The following TRHDE variants were observed in gnomAD, a reference collection of about 807,000 sequenced individuals.
The protein encoded by TRHDE is thyrotropin releasing hormone degrading enzyme.
Under a neutral mutation model 125.7 loss-of-function variants are expected in TRHDE, and 72 were observed. That is an observed-to-expected ratio of 0.57 (90% CI 0.47 to 0.70). The LOEUF is 0.70. TRHDE is among the 30% of genes least tolerant of loss of function. The pLI is 0.00. For synonymous variants in TRHDE, 509 were observed against 509.1 expected, an observed-to-expected ratio of 1.00 and a Z score of 0.00; for missense variants, 1,110 against 1,327.1, an observed-to-expected ratio of 0.84 and a Z score of 2.54.
intron 2 of TRHDE, among the ~76,000 whole-genome samples, chr12:72,216,341 T>G (rs1054554935): frequency 2.6e-5 from 4 of 152,190 alleles, no homozygotes; most frequent in African/African-American, 9.7e-5. Flanking sequence ...TTTATTCTTA[T>G]GAAATCCTTT....
intron 2 of TRHDE, chr12:72,140,543 G>A (rs1251474914): frequency 6.6e-6 from 1 of 152,110 alleles, no homozygotes; most frequent in East Asian, 1.9e-4. Context: ...CTGTGTCATG[G>A]GCCATGATTA....
chr12:72,661,676 A>G (rs1874923386), intron 18 of TRHDE, among the ~76,000 whole-genome samples: 1 of 152,104 alleles, frequency 6.6e-6, no homozygotes, highest in Admixed American at 6.6e-5. Context: ...ATGTGTGTAT[A>G]TATATTTCTA....
intron 3 of TRHDE, among the ~76,000 whole-genome samples, chr12:72,388,302 A>G (rs1251345961): frequency 6.6e-6 from 1 of 151,970 alleles, no homozygotes; most frequent in African/African-American, 2.4e-5. Context: ...TCTCCATGGT[A>G]TTTTTTAATT....
chr12:72,505,929 C>G (rs1158519439), intron 6 of TRHDE, among the ~76,000 whole-genome samples: 2 of 152,140 alleles, frequency 1.3e-5, no homozygotes, highest in Non-Finnish European at 2.9e-5. Context: ...GATTAATGCA[C>G]AGAGAGAGCA....
chr12:72,171,841 T>C (rs927343854), intron 2 of TRHDE, among the ~76,000 whole-genome samples: 1 of 152,206 alleles, frequency 6.6e-6, no homozygotes, highest in Non-Finnish European at 1.5e-5. Context: ...TGTCCATGCC[T>C]GAAGACTTGC....
At chr12:72,313,576 T>C (rs984484377) in intron 2 of TRHDE, among the ~76,000 whole-genome samples, 2 of 152,166 alleles carry the variant, frequency 1.3e-5, no homozygotes, top group African/African-American at 2.4e-5. Context: ...TGCACTGTTT[T>C]ATCATGGAAA....
chr12:72,099,773 G>A (rs2139288219), intron 1 of TRHDE, among the ~76,000 whole-genome samples: 1 of 152,236 alleles, frequency 6.6e-6, no homozygotes, highest in East Asian at 1.9e-4. Context: ...GATAAGAATG[G>A]AAATCTAGAG....
chr12:72,302,798 G>A (rs921347592), intron 2 of TRHDE, among the ~76,000 whole-genome samples: 4 of 152,146 alleles, frequency 2.6e-5, no homozygotes, highest in African/African-American at 9.7e-5. Context: ...GCTGAGGAAG[G>A]CTTTACCTTT....
At chr12:72,593,915 T>C (rs926889569) in intron 12 of TRHDE, among the ~76,000 whole-genome samples, 8 of 152,216 alleles carry the variant, frequency 5.3e-5, no homozygotes, top group Non-Finnish European at 7.4e-5. Flanking sequence ...CAGTCTATCA[T>C]TGATGGACAT....
intron 2 of TRHDE, among the ~76,000 whole-genome samples, chr12:72,239,095 G>C (rs1878422221): frequency 6.6e-6 from 1 of 152,190 alleles, no homozygotes. Flanking sequence ...TAACTGGCGA[G>C]AGATGGTATC....
intron 12 of TRHDE, among the ~76,000 whole-genome samples, chr12:72,608,627 G>A (rs773094138): frequency 9.2e-5 from 14 of 152,122 alleles, no homozygotes; most frequent in Non-Finnish European, 1.8e-4. Context: ...ATGGCCAAAG[G>A]CTAAAAGGAG....
intron 2 of TRHDE, among the ~76,000 whole-genome samples, chr12:72,226,368 A>T (rs1878128219): frequency 6.6e-6 from 1 of 152,190 alleles, no homozygotes; most frequent in Non-Finnish European, 1.5e-5. Context: ...TTCTAAAGGG[A>T]TTAGTGGTAT....
chr12:72,087,888 G>A (rs1312817497), intron 1 of TRHDE, among the ~76,000 whole-genome samples: 1 of 152,114 alleles, frequency 6.6e-6, no homozygotes, highest in East Asian at 1.9e-4. Context: ...CGAGGTGTAG[G>A]AGAACAGGAG....
intron 2 of TRHDE, among the ~76,000 whole-genome samples, chr12:72,164,503 C>T (rs1198662782): frequency 6.6e-6 from 1 of 152,112 alleles, no homozygotes; most frequent in African/African-American, 2.4e-5. Context: ...TGGTGGTGAG[C>T]TGAACAGAAC....
chr12:72,476,448 C>T (rs1172181983), intron 5 of TRHDE, among the ~76,000 whole-genome samples: 1 of 152,144 alleles, frequency 6.6e-6, no homozygotes, highest in African/African-American at 2.4e-5. Flanking sequence ...TTCATAATGG[C>T]ATCAGCAAAA....
Position 72,286,559 on chromosome 12 carries a change from G to A in TRHDE, c.915-122G>A. ...TCATGCTATTCATGCACTTAAGTTT[G>A]GTTCAGAAAAAAATATTGCAATTTG... On this transcript the variant is annotated intron_variant, in intron 1 of 18. Coordinates refer to ENST00000261180, the MANE Select transcript of TRHDE (RefSeq NM_013381.3). 4 of 911,674 alleles carry A rather than the reference G, an allele frequency of 4.4e-6. No individual in the cohort carries two copies. The South Asian group carries it at 6.9e-5, about 16-fold the overall frequency. The allele number at this position is 911,674 out of a possible 1,614,324, so 56.5% of individuals were successfully genotyped here.
intron 2 of TRHDE, among the ~76,000 whole-genome samples, chr12:72,246,183 A>T (rs551663142): frequency 2.0e-5 from 3 of 152,058 alleles, no homozygotes; most frequent in Non-Finnish European, 4.4e-5. Flanking sequence ...CTCAAAAAAA[A>T]CTGTGCCATA....
chr12:72,273,003 C>A lies in TRHDE; in HGVS notation c.360C>A (p.Gly120=), dbSNP rs1879307497. The change falls in exon 1 of 19, where the codon GGC becomes GGA. Residue 120 remains glycine (G), a synonymous_variant. Transcript: ENST00000261180. The surrounding 1 kb of genome is among the most constrained non-coding windows in gnomAD (Gnocchi z 5.3). ...FDECGASATP[G]ADGGPSGFPE... is the part of the protein sequence containing the mutation. ...AGTGCGGGGCGAGTGCCACGCCAGG[C>A]GCCGACGGTGGCCCCTCAGGCTTTC... The A allele has an allele frequency of 1.9e-6, 3 of 1,545,286 alleles. No homozygotes were observed. Among genetic ancestry groups the A allele is most frequent in the African/African-American group, 2.7e-5 (2 of 73,618 alleles).
At chr12:72,626,303 A>C (rs1240151078) in intron 15 of TRHDE, among the ~76,000 whole-genome samples, 3 of 151,918 alleles carry the variant, frequency 2.0e-5, no homozygotes, top group African/African-American at 7.2e-5. Flanking sequence ...AGAGTTATGT[A>C]AAAGAATGCC....
Sources: allele counts gnomAD v4.1 joint callset (sites outside exome capture counted in the v4.1 genomes callset), GRCh38; gene constraint gnomAD v4.1.1; non-coding constraint Gnocchi (gnomAD v3.1); transcripts MANE v1.5; gene names NCBI Gene and HGNC (gene_info 2026-07-23, HGNC 2026-07-21).